DEPDC5: variants seen among roughly 807,000 people sequenced by gnomAD.
The protein encoded by DEPDC5 is GATOR1 complex protein DEPDC5.
Under a neutral mutation model 217.3 loss-of-function variants are expected in DEPDC5, and 73 were observed. That is an observed-to-expected ratio of 0.34 (90% CI 0.28 to 0.41). The LOEUF (loss-of-function observed/expected upper bound fraction) is 0.41. Ranked by LOEUF, DEPDC5 falls within the 10% of genes least tolerant of loss-of-function variation. The pLI is 1.00. For missense variants in DEPDC5, 1,675 were observed against 2,070.1 expected, an observed-to-expected ratio of 0.81 and a Z score of 3.70; for synonymous variants, 733 against 756.7, an observed-to-expected ratio of 0.97 and a Z score of 0.51.
intron 5 of DEPDC5, among the ~76,000 whole-genome samples, chr22:31,766,287 A>T (rs1212253516): frequency 6.6e-6 from 1 of 152,344 alleles, no homozygotes; most frequent in South Asian, 2.1e-4. Context: ...AATAAAGTAC[A>T]TAGGTAAGTG....
intron 8 of DEPDC5, among the ~76,000 whole-genome samples, chr22:31,780,612 C>T (rs1409948075): frequency 3.3e-5 from 5 of 152,174 alleles, no homozygotes; most frequent in Admixed American, 3.3e-4. Flanking sequence ...TAGACCCTGC[C>T]TTTCCCCTTC....
Position 31,805,807 on chromosome 22 carries a change from G to C in DEPDC5, c.1218-315G>C, listed in dbSNP as rs186089999. Reference sequence around the variant, plus strand: ...AGACTGTTTTTGACCTACAAAAGTAGCAATTTCAGGCCGGTCACAGTGGCT... The same window carrying C: ...AGACTGTTTTTGACCTACAAAAGTACCAATTTCAGGCCGGTCACAGTGGCT... On this transcript the variant is annotated intron_variant, in intron 17 of 42. Coordinates refer to ENST00000651528, the MANE Select transcript of DEPDC5 (RefSeq NM_001242896.3). 5.3e-5 allele frequency among the ~76,000 whole-genome samples: 8 copies of C among 152,224 alleles called. No individual in the cohort carries two copies. The East Asian group carries it at 1.5e-3, about 29-fold the overall frequency.
chr22:31,823,604 G>A (rs999236198), intron 24 of DEPDC5, among the ~76,000 whole-genome samples: 1 of 151,760 alleles, frequency 6.6e-6, no homozygotes, highest in African/African-American at 2.4e-5. Context: ...TGGTTAGGTA[G>A]ACAGTTAGAA....
chr22:31,807,281 A>G (rs2087665496), intron 18 of DEPDC5, among the ~76,000 whole-genome samples: 1 of 152,220 alleles, frequency 6.6e-6, no homozygotes, highest in Admixed American at 6.5e-5. Context: ...AAGTGATAAT[A>G]TGCAAATACA....
At chr22:31,784,741 T>C in intron 9 of DEPDC5, 73 bp from the exon 10 acceptor site, 1 of 1,441,136 alleles carries the variant, frequency 6.9e-7, no homozygotes, top group Non-Finnish European at 9.7e-7. Flanking sequence ...GAGAAGAAAT[T>C]AGAGAAGAAA....
intron 20 of DEPDC5, among the ~76,000 whole-genome samples, chr22:31,813,291 T>C (rs1185536234): frequency 6.6e-6 from 1 of 152,152 alleles, no homozygotes. Context: ...AATGCTCTCA[T>C]AGTTCAAGAT....
At chr22:31,870,510 A>G in intron 33 of DEPDC5, 80 bp from the exon 34 acceptor site, 1 of 1,368,454 alleles carries the variant, frequency 7.3e-7, no homozygotes, top group Admixed American at 3.1e-5. Flanking sequence ...TACTGAGTGA[A>G]TAAGCCAGTA....
chr22:31,801,913 T>C (rs749607103), intron 14 of DEPDC5, among the ~76,000 whole-genome samples: 1 of 151,978 alleles, frequency 6.6e-6, no homozygotes, highest in Non-Finnish European at 1.5e-5. Context: ...GTAAGAATCA[T>C]AGAGGCTAGA....
At chr22:31,772,269 A>G (rs2083432826) in intron 7 of DEPDC5, among the ~76,000 whole-genome samples, 2 of 152,114 alleles carry the variant, frequency 1.3e-5, no homozygotes, top group Admixed American at 1.3e-4. Flanking sequence ...AGTGTTCTTT[A>G]AAACATCCAA....
chr22:31,876,910 T>C lies in DEPDC5; in HGVS notation c.3805+645T>C, dbSNP rs1055281649. 4.6e-5 allele frequency among the ~76,000 whole-genome samples: 7 copies of C among 152,122 alleles called. No individual in the cohort carries two copies. In the South Asian group the frequency reaches 6.2e-4, roughly 14 times the overall value. ...GCTCATACCTGTAATCCCAGCACTT[T>C]GGGAGGCCGAGGCTGGCAGATCACT... is the stretch of plus-strand genomic sequence containing the variant. On this transcript the variant is annotated intron_variant, in intron 37 of 42. Coordinates refer to ENST00000651528, the MANE Select transcript of DEPDC5 (RefSeq NM_001242896.3).
At chr22:31,903,733 T>C (rs2149436915) in intron 41 of DEPDC5, among the ~76,000 whole-genome samples, 1 of 124,084 alleles carries the variant, frequency 8.1e-6, no homozygotes, top group East Asian at 2.7e-4. Flanking sequence ...CTCCCACCTT[T>C]CACACTTAAA....
Position 31,778,825 on chromosome 22 carries a change from T to C in DEPDC5, c.483+657T>C, listed in dbSNP as rs986604628. Reference sequence around the variant, plus strand: ...TTCTCGTTCCCATCTCCATGCCTTCTCTGAGAGCAGTGGTTTTCAACCAGG... The same window carrying C: ...TTCTCGTTCCCATCTCCATGCCTTCCCTGAGAGCAGTGGTTTTCAACCAGG... On this transcript the variant is annotated intron_variant, in intron 8 of 42. Transcript: ENST00000651528. Among the ~76,000 whole-genome samples the C allele has an allele frequency of 5.9e-5, 9 of 152,198 alleles. No individual in the cohort carries two copies. The East Asian group carries it at 1.7e-3, about 29-fold the overall frequency.
At chr22:31,894,301 A>T (rs1465328063) in intron 39 of DEPDC5, 1 of 151,718 alleles carries the variant, frequency 6.6e-6, no homozygotes, top group Admixed American at 6.6e-5. Flanking sequence ...TTGGATACAT[A>T]CTACTTACAT....
chr22:31,900,779 G>A (rs1341714601), intron 40 of DEPDC5, among the ~76,000 whole-genome samples: 1 of 151,936 alleles, frequency 6.6e-6, no homozygotes, highest in African/African-American at 2.4e-5. Context: ...TTGTTCCTTA[G>A]AAGCAGCTTA....
Position 31,907,695 on chromosome 22 carries a change from A to G in DEPDC5, c.*1198A>G, listed in dbSNP as rs2093774879. 1 of 152,268 alleles carries G rather than the reference A, an allele frequency of 6.6e-6. No homozygotes were observed. Among genetic ancestry groups the G allele is most frequent in the Non-Finnish European group, 1.5e-5 (1 of 68,178 alleles). The allele number at this position is 152,268 out of a possible 1,614,324, so 9.4% of individuals were successfully genotyped here. ...TGAGCCACCATGCCCGGCCTAACTT[A>G]GATTTGCTGAGATAAGACTCAGCTT... On this transcript the variant is annotated 3_prime_UTR_variant, in exon 43 of 43. Coordinates refer to ENST00000651528, the MANE Select transcript of DEPDC5 (RefSeq NM_001242896.3).
chr22:31,759,521 GT>G (rs1289267313), intron 3 of DEPDC5, among the ~76,000 whole-genome samples: 2 of 150,816 alleles, frequency 1.3e-5, no homozygotes, highest in African/African-American at 4.9e-5. Context: ...TTACAGGCGC[GT>G]GCCACCATGC....
At position 31,891,231 on chromosome 22, in the gene DEPDC5, A is replaced by G. The variant is rs956123555; in HGVS notation, c.4034-2351A>G. The G allele has an allele frequency of 3.1e-5, 18 of 587,340 alleles. No homozygotes were observed. The East Asian group carries it at 3.7e-4, about 12-fold the overall frequency. The allele number at this position is 587,340 out of a possible 1,614,324, so 36.4% of individuals were successfully genotyped here. On this transcript the variant is annotated intron_variant, in intron 38 of 42. Transcript: ENST00000651528. ...GATTTCAGCCACCAAGTCATCGACA[A>G]TAACGTGTTCTAGTCCTTTCTCTTT...
At chr22:31,815,474 TC>T (rs1391563188) in intron 21 of DEPDC5, 2 of 653,762 alleles carry the variant, frequency 3.1e-6, no homozygotes, top group East Asian at 5.8e-5. Context: ...GGCCTTGAAC[TC>T]CTGGACTCAA....
intron 4 of DEPDC5, 88 bp from the exon 5 acceptor site, chr22:31,764,887 C>A: frequency 1.1e-6 from 1 of 928,808 alleles, no homozygotes; most frequent in Non-Finnish European, 1.8e-6. Flanking sequence ...AATTGTGTTG[C>A]TTACTGAGTT....
Sources: gnomAD v4.1 joint callset for allele counts (sites outside exome capture counted in the v4.1 genomes callset) on GRCh38, gnomAD v4.1.1 for gene constraint, MANE v1.5 for transcripts, NCBI Gene and HGNC (gene_info 2026-07-23, HGNC 2026-07-21) for gene names.